Variants in FMN2 observed in about 807,000 individuals in gnomAD.
FMN2 encodes formin 2.
Under a neutral mutation model 142.3 loss-of-function variants are expected in FMN2, and 51 were observed. That is an observed-to-expected ratio of 0.36 (90% confidence interval 0.29 to 0.45). FMN2 has a LOEUF of 0.45. Ranked by LOEUF, FMN2 falls within the 20% of genes least tolerant of loss-of-function variation. FMN2 has a pLI of 1.00. For synonymous variants in FMN2, 882 were observed against 869.8 expected, an observed-to-expected ratio of 1.01 and a Z score of -0.25; for missense variants, 1,936 against 2,122.8, an observed-to-expected ratio of 0.91 and a Z score of 1.73.
At chr1:240,143,947 C>T (rs1663310749) in intron 2 of FMN2, 2 of 1,462,002 alleles carry the variant, frequency 1.4e-6, no homozygotes, top group Non-Finnish European at 1.9e-6. Context: ...AACCAAGTCT[C>T]ATGGTGTTGC....
intron 1 of FMN2, among the ~76,000 whole-genome samples, chr1:240,110,614 A>G (rs1191979375): frequency 6.6e-6 from 1 of 152,160 alleles, no homozygotes; most frequent in African/African-American, 2.4e-5. Context: ...ATTTATAGCT[A>G]GTGTATGACT....
At position 240,191,310 on chromosome 1, in the gene FMN2, T is replaced by G. The variant is rs115344555; in HGVS notation, c.1986+3048T>G. ...AAAAAACACATGACTCATAAAGCCT[T>G]TCCTCAACTCACAGGAGTAGAAGGC... On this transcript the variant is annotated intron_variant, in intron 4 of 17. Transcript: ENST00000319653. Among the ~76,000 whole-genome samples the G allele has an allele frequency of 7.7e-3, 1,166 of 152,342 alleles. 22 individuals are homozygous for G. The highest frequency in any genetic ancestry group is 0.027 in the African/African-American group (1,116 of 41,572).
rs375870588 is a variant in FMN2, at chr1:240,410,906, C to T, written c.4910+18344C>T. 1.4e-4 allele frequency among the ~76,000 whole-genome samples: 21 copies of T among 152,216 alleles called. No individual in the cohort carries two copies. The East Asian group carries it at 2.1e-3, about 15-fold the overall frequency. ...GCCTCCTGCCCTAGCCAACCCTACC[C>T]TCTCTTATATTTTTCTCAGCTGTTT... On this transcript the variant is annotated intron_variant, in intron 15 of 17. Transcript: ENST00000319653.
In FMN2 at chr1:240,208,431, C is replaced by G. The variant is rs145138533; in HGVS notation, c.3619C>G (p.Pro1207Ala). 2.1e-4 allele frequency: 340 copies of G among 1,595,668 alleles called. 1 individual carries two copies. The African/African-American group carries it at 4.3e-3, about 20-fold the overall frequency. Residue 1207 changes from proline (P) to alanine (A), a missense_variant, in exon 5 of 18, where the codon CCC becomes GCC. Coordinates refer to ENST00000319653, the MANE Select transcript of FMN2 (RefSeq NM_020066.5). ...PPPPLPGAGI[P>A]PPPPLPGMGI... ...GCCCCCTCTACCTGGTGCTGGGATT[C>G]CCCCACCTCCTCCCTTGCCAGGTAT... is the stretch of plus-strand genomic sequence containing the variant.
intron 6 of FMN2, among the ~76,000 whole-genome samples, chr1:240,250,301 G>A (rs1002462203): frequency 3.3e-5 from 5 of 152,180 alleles, no homozygotes; most frequent in African/African-American, 1.2e-4. Flanking sequence ...TATCGTGAAG[G>A]GATGTTGAAT....
intron 15 of FMN2, among the ~76,000 whole-genome samples, chr1:240,427,412 A>G (rs1001715239): frequency 6.6e-6 from 1 of 151,796 alleles, no homozygotes; most frequent in Non-Finnish European, 1.5e-5. Context: ...TCACCGTGTT[A>G]GCCAGGATGG....
In FMN2 at chr1:240,156,118, G is replaced by A. The variant is rs558354860; in HGVS notation, c.1783-21803G>A. On this transcript the variant is annotated intron_variant, in intron 2 of 17. Coordinates refer to ENST00000319653, the MANE Select transcript of FMN2 (RefSeq NM_020066.5). ...AACAAAAAGTCAGCCAGGCACAGTG[G>A]TGCATACCTATAGTCCCAGCTACTA... Among the ~76,000 whole-genome samples the A allele has an allele frequency of 5.3e-5, 8 of 152,076 alleles. No individual in the cohort carries two copies. The South Asian group carries it at 1.0e-3, about 20-fold the overall frequency.
chr1:240,471,476 CA>C (rs111962171), intron 16 of FMN2, among the ~76,000 whole-genome samples: 5,678 of 151,856 alleles, frequency 0.037, 353 homozygotes, highest in African/African-American at 0.13. Context: ...CTTGGGTTCA[CA>C]CCATTCTCCT....
At chr1:240,253,529 A>G (rs1046106638) in intron 6 of FMN2, among the ~76,000 whole-genome samples, 1 of 151,960 alleles carries the variant, frequency 6.6e-6, no homozygotes, top group African/African-American at 2.4e-5. Context: ...GTTTATATGA[A>G]TTTTCTTGTA....
At chr1:240,379,924 A>G (rs1244641092) in intron 14 of FMN2, among the ~76,000 whole-genome samples, 1 of 152,200 alleles carries the variant, frequency 6.6e-6, no homozygotes, top group African/African-American at 2.4e-5. Flanking sequence ...CATCAGGTCA[A>G]CAGGATTTCA....
intron 2 of FMN2, among the ~76,000 whole-genome samples, chr1:240,165,978 G>C (rs1230617075): frequency 6.6e-6 from 1 of 151,884 alleles, no homozygotes; most frequent in Admixed American, 6.6e-5. Flanking sequence ...GTGTTGAGGG[G>C]TGGGGGCAAA....
intron 14 of FMN2, among the ~76,000 whole-genome samples, chr1:240,378,162 T>A (rs1227341370): frequency 6.6e-6 from 1 of 151,936 alleles, no homozygotes; most frequent in Admixed American, 6.6e-5. Flanking sequence ...ATTATTATTA[T>A]TTTTTTAGAC....
At chr1:240,170,509 A>G (rs1387964889) in intron 2 of FMN2, 12 of 1,510,828 alleles carry the variant, frequency 7.9e-6, no homozygotes, top group Admixed American at 1.7e-5. Context: ...TTGCCAGAAT[A>G]TAAGAGTCAC....
At chr1:240,339,074 C>T (rs577839493) in intron 13 of FMN2, among the ~76,000 whole-genome samples, 5 of 152,236 alleles carry the variant, frequency 3.3e-5, no homozygotes, top group African/African-American at 1.2e-4. Context: ...GTAATGCTTG[C>T]GATGAGGAGC....
intron 16 of FMN2, among the ~76,000 whole-genome samples, chr1:240,444,689 C>T (rs1675745783): frequency 6.6e-6 from 1 of 152,220 alleles, no homozygotes; most frequent in Non-Finnish European, 1.5e-5. Flanking sequence ...AATGTTTATC[C>T]TTAGAAGGTT....
chr1:240,397,744 C>T (rs370073759), intron 15 of FMN2, among the ~76,000 whole-genome samples: 7 of 145,242 alleles, frequency 4.8e-5, no homozygotes, highest in African/African-American at 1.3e-4. Flanking sequence ...GAGCCAAGAT[C>T]GCACTGCTGC....
intron 3 of FMN2, chr1:240,180,028 G>A: frequency 2.9e-6 from 1 of 340,816 alleles, no homozygotes. Context: ...TTTTAGTTTG[G>A]TAAAAGATGA....
chr1:240,344,345 C>G (rs1671835415), intron 13 of FMN2, among the ~76,000 whole-genome samples: 1 of 152,156 alleles, frequency 6.6e-6, no homozygotes, highest in Non-Finnish European at 1.5e-5. Context: ...TCCTTCAAGT[C>G]AATAGTATGT....
At chr1:240,343,841 G>T (rs901087386) in intron 13 of FMN2, among the ~76,000 whole-genome samples, 3 of 152,118 alleles carry the variant, frequency 2.0e-5, no homozygotes, top group African/African-American at 4.8e-5. Context: ...ACATAGACAG[G>T]CAGGAAGATT....
Sources: gnomAD v4.1 joint callset for allele counts (sites outside exome capture counted in the v4.1 genomes callset) on GRCh38, gnomAD v4.1.1 for gene constraint, MANE v1.5 for transcripts, NCBI Gene and HGNC (gene_info 2026-07-23, HGNC 2026-07-21) for gene names.